Variants in DAB2IP observed in about 807,000 individuals in gnomAD.
DAB2IP encodes the protein DAB2 interacting protein.
In DAB2IP, 28 loss-of-function variants were observed where a neutral mutation model predicts 107.2. The ratio of observed to expected loss-of-function variants is 0.26; its 90% CI spans 0.19 to 0.36. DAB2IP has a LOEUF of 0.36. Among genes scored for constraint, DAB2IP ranks in the 10% least tolerant of loss-of-function variants. The pLI is 1.00. For missense variants in DAB2IP, 1,400 were observed against 1,644.7 expected (o/e 0.85, Z 2.57); for synonymous variants, 755 against 706.4 (o/e 1.07, Z -1.09).
At chr9:121,676,189 G>A (rs1265898655) in intron 1 of DAB2IP, among the ~76,000 whole-genome samples, 1 of 152,222 alleles carries the variant, frequency 6.6e-6, no homozygotes, top group Admixed American at 6.5e-5. Context: ...GCTTGGCCAT[G>A]AGCCAAGGCT....
chr9:121,626,280 A>C (rs192310042), intron 1 of DAB2IP, among the ~76,000 whole-genome samples: 21 of 152,030 alleles, frequency 1.4e-4, no homozygotes, highest in African/African-American at 4.6e-4. Flanking sequence ...CAGGACACAG[A>C]CTGTCCTCAG....
chr9:121,650,412 C>G (rs1832698595), upstream of DAB2IP, among the ~76,000 whole-genome samples: 1 of 152,224 alleles, frequency 6.6e-6, no homozygotes, highest in Non-Finnish European at 1.5e-5. Flanking sequence ...AAAACCCGGC[C>G]TGGATTTCTG....
At chr9:121,687,840 C>A (rs1394916796) in intron 2 of DAB2IP, among the ~76,000 whole-genome samples, 1 of 152,188 alleles carries the variant, frequency 6.6e-6, no homozygotes, top group Non-Finnish European at 1.5e-5. Flanking sequence ...AGCGCCTGGA[C>A]CATAGCATGC....
intron 1 of DAB2IP, among the ~76,000 whole-genome samples, chr9:121,622,129 C>T (rs796988229): frequency 9.2e-5 from 14 of 151,986 alleles, no homozygotes; most frequent in African/African-American, 2.2e-4. Context: ...GCTGGGACTA[C>T]AGGCGTGTGC....
chr9:121,712,696 A>G (rs1429320426), intron 3 of DAB2IP, among the ~76,000 whole-genome samples: 1 of 152,180 alleles, frequency 6.6e-6, no homozygotes, highest in African/African-American at 2.4e-5. Flanking sequence ...CCACGCCATG[A>G]GTACTCTTGA....
At position 121,759,518 on chromosome 9, in the gene DAB2IP, T is replaced by C. The variant is rs146466378; in HGVS notation, c.616-367T>C. On this transcript the variant is annotated intron_variant, in intron 5 of 15. Coordinates refer to ENST00000408936, the Ensembl canonical transcript of DAB2IP. ...ACCATAGCCATCTCTTAAGTTACAG[T>C]ACAGACCAGCATATTAAGGAAGAGT... Among the ~76,000 whole-genome samples the C allele has an allele frequency of 3.7e-4, 56 of 152,342 alleles. 1 individual carries two copies. The highest frequency in any genetic ancestry group is 3.9e-4 in the Admixed American group (6 of 15,304).
intron 2 of DAB2IP, among the ~76,000 whole-genome samples, chr9:121,691,631 T>C (rs754165629): frequency 6.6e-6 from 1 of 152,166 alleles, no homozygotes; most frequent in Non-Finnish European, 1.5e-5. Flanking sequence ...CGTGATCTCA[T>C]TGAATCTTCA....
At position 121,768,547 on chromosome 9, in the gene DAB2IP, G is replaced by T. The variant is rs200519908; in HGVS notation, c.1813G>T (p.Ala605Ser). ...CAACCCCGAGACCCTCTCCAATACA[G>T]CCGGCTTCGAGGGCTACATCGACCT... Residue 605 changes from alanine (A) to serine (S), a missense_variant, in exon 10 of 16, where the codon GCC (alanine) becomes TCC (serine). Ala to Ser is a moderately conservative substitution (Grantham distance 99, BLOSUM62 1). This residue lies in a region of DAB2IP where 517 missense variants were observed against 748.6 expected (regional missense o/e 0.69). Transcript: ENST00000408936. The T allele has an allele frequency of 8.9e-5, 144 of 1,614,218 alleles. 1 individual carries two copies. The highest frequency in any genetic ancestry group is 9.4e-5 in the Non-Finnish European group (111 of 1,180,046).
chr9:121,601,292 C>A (rs973323066), intron 1 of DAB2IP, among the ~76,000 whole-genome samples: 1 of 152,188 alleles, frequency 6.6e-6, no homozygotes, highest in African/African-American at 2.4e-5. Context: ...GATCACCTGG[C>A]CCTCCTATCC....
chr9:121,626,697 T>C (rs1831661000), intron 1 of DAB2IP, among the ~76,000 whole-genome samples: 2 of 152,054 alleles, frequency 1.3e-5, no homozygotes, highest in Non-Finnish European at 2.9e-5. Context: ...GTGCTGGGAT[T>C]ACAGGTGTGA....
In DAB2IP at chr9:121,699,354, C is replaced by T. The variant is rs1314664569; in HGVS notation, c.258C>T (p.Ser86=). Residue 86 remains serine (S), a synonymous_variant, in exon 3 of 16, where the codon TCC becomes TCT. Transcript: ENST00000408936. This position sits in a 1 kb window ranked among gnomAD's most constrained non-coding sequence, Gnocchi z 6.2. ...TCCTCAGCCGCCGCCTCAAGGGCTC[C>T]ATCAAGCGCACCAAGAGCCAGCCCA... 5 of 1,480,328 alleles carry T rather than the reference C, an allele frequency of 3.4e-6. No individual in the cohort carries two copies. The African/African-American group carries it at 7.3e-5, about 22-fold the overall frequency. The allele number at this position is 1,480,328 out of a possible 1,614,324, so 91.7% of individuals were successfully genotyped here.
intron 1 of DAB2IP, among the ~76,000 whole-genome samples, chr9:121,581,242 G>A (rs1281520455): frequency 1.3e-5 from 2 of 152,162 alleles, no homozygotes; most frequent in African/African-American, 4.8e-5. Flanking sequence ...AAGACCCAGA[G>A]CCAAGGGGGT....
At chr9:121,616,505 A>G (rs1286350214) in intron 1 of DAB2IP, among the ~76,000 whole-genome samples, 1 of 152,178 alleles carries the variant, frequency 6.6e-6, no homozygotes, top group African/African-American at 2.4e-5. Context: ...GTTGGCGGCT[A>G]GCGGCTCTGC....
Position 121,782,768 on chromosome 9 carries a change from G to A in DAB2IP, c.*270G>A. ...GTGGGGACAGCCTGATGGGGCAGGG[G>A]GCCTGCCAAAAATATGTCTGTTGGT... On this transcript the variant is annotated 3_prime_UTR_variant, in exon 16 of 16. Transcript: ENST00000408936. This position sits in a 1 kb window ranked among gnomAD's most constrained non-coding sequence, Gnocchi z 6.1. 2 of 1,319,016 alleles carry A rather than the reference G, an allele frequency of 1.5e-6. No individual in the cohort carries two copies. Among genetic ancestry groups the A allele is most frequent in the Non-Finnish European group, 1.9e-6 (2 of 1,032,074 alleles). 81.7% of individuals were successfully genotyped at this position (1,319,016 alleles called of 1,614,324 possible).
chr9:121,714,193 T>C (rs896653917), intron 3 of DAB2IP, among the ~76,000 whole-genome samples: 1 of 152,318 alleles, frequency 6.6e-6, no homozygotes, highest in Admixed American at 6.5e-5. Context: ...TCATCATATA[T>C]ATAGCAAGAG....
chr9:121,617,197 C>G lies in DAB2IP; in HGVS notation c.40+49969C>G, dbSNP rs367926913. 7.7e-4 allele frequency among the ~76,000 whole-genome samples: 117 copies of G among 152,144 alleles called. 1 individual carries two copies. Among genetic ancestry groups the G allele is most frequent in the African/African-American group, 2.7e-3 (112 of 41,476 alleles). ...AAAATTAGCCAGGCATGGTGGCACG[C>G]GCCTGTAATCCCAGCTACTCAGGAA... On this transcript the variant is annotated intron_variant, in intron 1 of 16. Transcript: ENST00000259371.
chr9:121,673,454 C>T (rs1490353420), intron 1 of DAB2IP, among the ~76,000 whole-genome samples: 1 of 152,148 alleles, frequency 6.6e-6, no homozygotes, highest in Non-Finnish European at 1.5e-5. Flanking sequence ...CCAGAACATG[C>T]ATTCTCAGCA....
intron 9 of DAB2IP, among the ~76,000 whole-genome samples, chr9:121,767,971 G>A (rs1834404110): frequency 6.6e-6 from 1 of 152,146 alleles, no homozygotes; most frequent in Non-Finnish European, 1.5e-5. Context: ...TCCACTTAGG[G>A]TAGGGAGCTC....
intron 1 of DAB2IP, among the ~76,000 whole-genome samples, chr9:121,609,811 A>G (rs963539791): frequency 6.6e-6 from 1 of 152,236 alleles, no homozygotes; most frequent in Non-Finnish European, 1.5e-5. Flanking sequence ...AACATCACCC[A>G]CTTCTCAGAG....
Sources: gnomAD v4.1 joint callset for allele counts (sites outside exome capture counted in the v4.1 genomes callset) on GRCh38, gnomAD v4.1.1 for gene constraint, gnomAD v4.1.1 regional missense constraint, Gnocchi (gnomAD v3.1) non-coding constraint, MANE v1.5 for transcripts, NCBI Gene and HGNC (gene_info 2026-07-23, HGNC 2026-07-21) for gene names.